The following NEDD9 variants were observed in gnomAD, a reference collection of about 807,000 sequenced individuals.
NEDD9 encodes the protein enhancer of filamentation 1.
A neutral mutation model predicts 76.6 loss-of-function variants in NEDD9; 26 were observed. The observed-to-expected ratio is 0.34, with a 90% CI of 0.25 to 0.47. The LOEUF (loss-of-function observed/expected upper bound fraction) is 0.47, where lower values mean the gene tolerates loss of function less well. Ranked by LOEUF, NEDD9 falls within the 20% of genes least tolerant of loss-of-function variation. NEDD9 has a pLI of 1.00. For missense variants in NEDD9, 937 were observed against 1,058.5 expected, an observed-to-expected ratio of 0.89 and a Z score of 1.59; for synonymous variants, 392 against 414.2, an observed-to-expected ratio of 0.95 and a Z score of 0.65.
intron 3 of NEDD9, among the ~76,000 whole-genome samples, chr6:11,287,018 G>A (rs1247803948): frequency 5.3e-5 from 8 of 152,270 alleles, no homozygotes; most frequent in African/African-American, 1.9e-4. Flanking sequence ...TGGTTATCTG[G>A]TTGGGCTCAC....
chr6:11,289,182 G>A (rs778306730), intron 3 of NEDD9, among the ~76,000 whole-genome samples: 1 of 152,176 alleles, frequency 6.6e-6, no homozygotes, highest in Non-Finnish European at 1.5e-5. Flanking sequence ...TGAAGAGCTG[G>A]AACAGCTAGC....
chr6:11,317,974 G>A (rs976209852), intron 2 of NEDD9, among the ~76,000 whole-genome samples: 1 of 152,198 alleles, frequency 6.6e-6, no homozygotes, highest in Admixed American at 6.5e-5. Context: ...CAAAAAGGTG[G>A]ACCTTCCCCT....
rs1351433457 is a variant in NEDD9, at chr6:11,381,442, G to A, written c.-214+697C>T. ...TGGTCTTCATTTTGAAAAAATTTCA[G>A]CAAGATAAAAAATTTGCCTCAAGTC... On this transcript the variant is annotated intron_variant, in intron 1 of 3. Coordinates refer to the NEDD9 transcript ENST00000397378. 3.3e-5 allele frequency among the ~76,000 whole-genome samples: 5 copies of A among 152,222 alleles called. No homozygotes were observed. In the East Asian group the frequency reaches 9.6e-4, roughly 29 times the overall value.
rs146047143 is a variant in NEDD9 at position 11,381,472 on chromosome 6, G to T, written c.-214+667C>A. On this transcript the variant is annotated intron_variant, in intron 1 of 3. Coordinates refer to the NEDD9 transcript ENST00000397378. Reference sequence around the variant, plus strand: ...ATAAAAAATTTGCCTCAAGTCCTTGGTGGAAGAAAGGCAATTGAATGAATG... The same window carrying T: ...ATAAAAAATTTGCCTCAAGTCCTTGTTGGAAGAAAGGCAATTGAATGAATG... Among the ~76,000 whole-genome samples, 15 of 152,330 alleles carry T rather than the reference G, an allele frequency of 9.8e-5. No homozygotes were observed. The East Asian group carries it at 2.7e-3, about 27-fold the overall frequency.
intron 1 of NEDD9, among the ~76,000 whole-genome samples, chr6:11,231,369 C>T (rs561905693): frequency 2.6e-5 from 4 of 152,126 alleles, no homozygotes; most frequent in Non-Finnish European, 5.9e-5. Context: ...AGTTTTTGAA[C>T]AAAAGCTTTA....
intron 2 of NEDD9, among the ~76,000 whole-genome samples, chr6:11,333,673 G>C (rs904239859): frequency 2.1e-4 from 32 of 152,206 alleles, no homozygotes; most frequent in Non-Finnish European, 2.9e-5. Flanking sequence ...CTCTGAGAAT[G>C]CTCACCAGGT....
chr6:11,329,043 T>A (rs1761983575), intron 2 of NEDD9, among the ~76,000 whole-genome samples: 2 of 152,208 alleles, frequency 1.3e-5, no homozygotes, highest in Admixed American at 1.3e-4. Flanking sequence ...CAGAATTCCA[T>A]GGTGAGGCAC....
chr6:11,253,495 C>T lies in NEDD9; in HGVS notation c.13-39768G>A, dbSNP rs374396051. Among the ~76,000 whole-genome samples, 5 of 152,314 alleles carry T rather than the reference C, an allele frequency of 3.3e-5. No homozygotes were observed. In the East Asian group the frequency reaches 5.8e-4, roughly 18 times the overall value. ...TGCCTTTTCTTTCCCTGCACAACCCCGTGCCCCAGGACAAACTCACACCGC... is the reference window on the plus strand; with the variant it reads ...TGCCTTTTCTTTCCCTGCACAACCCTGTGCCCCAGGACAAACTCACACCGC... On this transcript the variant is annotated intron_variant, in intron 3 of 3. Transcript: ENST00000397378.
chr6:11,201,172 G>A (rs755667308), intron 2 of NEDD9: 39 of 1,094,018 alleles, frequency 3.6e-5, no homozygotes, highest in Middle Eastern at 2.0e-4. Context: ...TTAATGCAGA[G>A]CTGGCTAGGT....
chr6:11,204,746 G>GA (rs373142279), intron 2 of NEDD9, among the ~76,000 whole-genome samples: 10 of 136,620 alleles, frequency 7.3e-5, no homozygotes, highest in East Asian at 2.2e-4. Context: ...AAGAAAGAAA[G>GA]AAAGAAAAGA....
At chr6:11,320,727 G>T (rs139294683) in intron 2 of NEDD9, among the ~76,000 whole-genome samples, 97 of 152,288 alleles carry the variant, frequency 6.4e-4, no homozygotes, top group African/African-American at 2.0e-3. Context: ...GAATGTACAA[G>T]GTCTTTACGT....
At chr6:11,287,411 G>A (rs904182651) in intron 3 of NEDD9, among the ~76,000 whole-genome samples, 5 of 152,288 alleles carry the variant, frequency 3.3e-5, no homozygotes, top group South Asian at 2.1e-4. Context: ...CTGGGTGGCA[G>A]AGCGAGACTC....
intron 3 of NEDD9, among the ~76,000 whole-genome samples, chr6:11,245,280 C>G (rs1347170449): frequency 2.6e-5 from 4 of 152,136 alleles, no homozygotes; most frequent in African/African-American, 7.2e-5. Flanking sequence ...CATGGTGACC[C>G]AAAGGCGAAG....
At chr6:11,291,796 G>C (rs1030882348) in intron 3 of NEDD9, among the ~76,000 whole-genome samples, 2 of 152,126 alleles carry the variant, frequency 1.3e-5, no homozygotes, top group African/African-American at 4.8e-5. Flanking sequence ...ACGAATAAAG[G>C]CAAACTATGG....
At chr6:11,342,334 GA>G (rs1397057374) in intron 1 of NEDD9, among the ~76,000 whole-genome samples, 1 of 151,936 alleles carries the variant, frequency 6.6e-6, no homozygotes, top group Non-Finnish European at 1.5e-5. Context: ...AAAAATCCAC[GA>G]AGCCCAAGTA....
At chr6:11,350,336 A>G (rs1186965495) in intron 1 of NEDD9, among the ~76,000 whole-genome samples, 3 of 152,220 alleles carry the variant, frequency 2.0e-5, no homozygotes, top group African/African-American at 7.2e-5. Context: ...GCTCAAGGGT[A>G]TACATACAAA....
At chr6:11,249,543 C>G (rs1581982649) in intron 3 of NEDD9, among the ~76,000 whole-genome samples, 1 of 152,156 alleles carries the variant, frequency 6.6e-6, no homozygotes, top group Non-Finnish European at 1.5e-5. Flanking sequence ...ATCCCATTAG[C>G]CAGATCTTGG....
chr6:11,331,554 G>A (rs1762038837), intron 2 of NEDD9, among the ~76,000 whole-genome samples: 1 of 152,108 alleles, frequency 6.6e-6, no homozygotes, highest in Non-Finnish European at 1.5e-5. Context: ...ATGTTTAAAT[G>A]TAAAATGACA....
chr6:11,209,110 T>C (rs890710145), intron 2 of NEDD9, among the ~76,000 whole-genome samples: 1 of 152,176 alleles, frequency 6.6e-6, no homozygotes, highest in Non-Finnish European at 1.5e-5. Flanking sequence ...TATGATGAAA[T>C]AGTTATAAGC....
Sources: allele counts gnomAD v4.1 joint callset (sites outside exome capture counted in the v4.1 genomes callset), GRCh38; gene constraint gnomAD v4.1.1; transcripts MANE v1.5; gene names NCBI Gene and HGNC (gene_info 2026-07-23, HGNC 2026-07-21).